Variants in ITGB2 observed in about 807,000 individuals in gnomAD.
ITGB2 encodes the protein integrin subunit beta 2.
A neutral mutation model predicts 86.8 loss-of-function variants in ITGB2; 56 were observed. The ratio of observed to expected loss-of-function variants is 0.65; its 90% CI spans 0.52 to 0.81. The LOEUF (loss-of-function observed/expected upper bound fraction) is 0.81, where lower values mean the gene tolerates loss of function less well. Among genes scored for constraint, ITGB2 ranks in the 30% least tolerant of loss-of-function variants. The probability of loss-of-function intolerance (pLI) is 0.00; values close to 1 mark genes in which losing one functional copy is unlikely to be tolerated. For missense variants in ITGB2, 948 were observed against 1,061.2 expected (o/e 0.89, Z 1.48); for synonymous variants, 457 against 450.4 (o/e 1.01, Z -0.19).
Position 44,886,010 on chromosome 21 carries a change from A to G in ITGB2, c.*358T>C, listed in dbSNP as rs1207418790. 7 of 351,286 alleles carry G rather than the reference A, an allele frequency of 2.0e-5. No homozygotes were observed. The highest frequency in any genetic ancestry group is 1.6e-4 in the South Asian group (6 of 38,182). The allele number at this position is 351,286 out of a possible 1,614,324, so 21.8% of individuals were successfully genotyped here. ...TTTTTTCTATACACGTGATTGATTA[A>G]CAATATAATTAATGGGATGTCATTT... On this transcript the variant is annotated 3_prime_UTR_variant, in exon 16 of 16. Transcript: ENST00000652462.
intron 4 of ITGB2, among the ~76,000 whole-genome samples, chr21:44,905,178 G>C (rs980954151): frequency 6.6e-5 from 10 of 152,154 alleles, no homozygotes; most frequent in African/African-American, 2.4e-4. Flanking sequence ...TCAGCGAAGG[G>C]CCAGCAGGCT....
intron 4 of ITGB2, 152 bp from the exon 5 acceptor site, chr21:44,903,687 T>G: frequency 1.2e-6 from 1 of 858,730 alleles, no homozygotes; most frequent in Non-Finnish European, 1.9e-6. Context: ...GCAGGAGAGC[T>G]GAGGACCAGA....
intron 1 of ITGB2, among the ~76,000 whole-genome samples, chr21:44,915,283 C>T (rs949082851): frequency 6.6e-6 from 1 of 152,172 alleles, no homozygotes; most frequent in Non-Finnish European, 1.5e-5. Context: ...CTCGGCCTCC[C>T]AAAGTGCTGG....
chr21:44,895,259 C>T (rs2083848629), intron 8 of ITGB2, among the ~76,000 whole-genome samples, 199 bp from the exon 9 acceptor site: 2 of 152,066 alleles, frequency 1.3e-5, no homozygotes, highest in Non-Finnish European at 2.9e-5. Context: ...CTGAGCTGCC[C>T]AGGGGCCACG....
chr21:44,928,585 G>A (rs1315630785), intron 1 of ITGB2: 1 of 144,970 alleles, frequency 6.9e-6, no homozygotes, highest in African/African-American at 2.5e-5. Flanking sequence ...AAGGCCAACT[G>A]ACCAGAGAGC....
At chr21:44,924,190 G>A (rs527885601), upstream of ITGB2, among the ~76,000 whole-genome samples, 62 of 152,188 alleles carry the variant, frequency 4.1e-4, no homozygotes, top group Admixed American at 9.8e-4. Flanking sequence ...AGCACTTTGG[G>A]AGGCTGATGT....
chr21:44,910,249 C>G, intron 3 of ITGB2, 35 bp downstream of exon 3: 2 of 1,608,170 alleles, frequency 1.2e-6, no homozygotes, highest in East Asian at 2.2e-5. Context: ...CACCCAGGAG[C>G]TGGGCAGGTG....
intron 10 of ITGB2, among the ~76,000 whole-genome samples, chr21:44,892,386 G>A (rs182759663): frequency 2.6e-5 from 4 of 152,318 alleles, no homozygotes; most frequent in Admixed American, 1.3e-4. Flanking sequence ...GTGGGAGGCC[G>A]AGGCGGGTAG....
At chr21:44,894,854 G>A (rs376542888) in intron 9 of ITGB2, 117 bp downstream of exon 9, 21 of 783,776 alleles carry the variant, frequency 2.7e-5, no homozygotes, top group South Asian at 9.8e-5. Context: ...GCTGGCCCAC[G>A]GGGCAGGGGC....
chr21:44,908,185 G>A (rs773845782), intron 3 of ITGB2: 13 of 715,936 alleles, frequency 1.8e-5, no homozygotes, highest in East Asian at 7.6e-5. Context: ...GCCGCTCCCT[G>A]TGGGACGCAA....
chr21:44,900,310 G>A lies in ITGB2; in HGVS notation c.897+10C>T. 6.2e-7 allele frequency: 1 copy of A among 1,614,160 alleles called. No homozygotes were observed. Among genetic ancestry groups the A allele is most frequent in the Non-Finnish European group, 8.5e-7 (1 of 1,179,992 alleles). ...CAGGCGGTGCCTGGGTGCCTGGGGT[G>A]GGGACTTACGAATTCGTTGCTCCTC... On this transcript the variant is annotated intron_variant, in intron 7 of 15. Transcript: ENST00000652462.
intron 5 of ITGB2, among the ~76,000 whole-genome samples, chr21:44,902,319 A>G (rs546500972): frequency 1.3e-5 from 2 of 152,356 alleles, no homozygotes; most frequent in South Asian, 2.1e-4. Flanking sequence ...ATGTGTGTGC[A>G]CATGCAAGTG....
At chr21:44,915,337 T>C (rs1425340603) in intron 1 of ITGB2, among the ~76,000 whole-genome samples, 3 of 152,148 alleles carry the variant, frequency 2.0e-5, no homozygotes, top group Non-Finnish European at 4.4e-5. Flanking sequence ...GGCTTCCTTT[T>C]TGCAACCCCG....
intron 1 of ITGB2, among the ~76,000 whole-genome samples, chr21:44,916,143 G>A (rs373497630): frequency 7.2e-5 from 11 of 152,024 alleles, no homozygotes; most frequent in East Asian, 1.9e-4. Flanking sequence ...GGCTGGTCTC[G>A]AACTCCTGAC....
chr21:44,915,275 C>T (rs1005934511), intron 1 of ITGB2, among the ~76,000 whole-genome samples: 3 of 152,198 alleles, frequency 2.0e-5, no homozygotes, highest in South Asian at 2.1e-4. Context: ...CCGCCCACCT[C>T]GGCCTCCCAA....
rs1310169212 is a variant in ITGB2, at chr21:44,888,859, G to C, written c.1914C>G (p.Pro638=). 1 of 1,608,812 alleles carries C rather than the reference G, an allele frequency of 6.2e-7. No individual in the cohort carries two copies. Among genetic ancestry groups the C allele is most frequent in the Admixed American group, 1.7e-5 (1 of 60,006 alleles). ...ACGCCGCGCTGCAGTTCTTCCCAAA[G>C]GGGCCCTTTTCGAACTTCAGGCACT... ...CAECLKFEKG[P]FGKNCSAACP... is the part of the protein sequence containing the mutation. Residue 638 remains proline, a synonymous_variant, in exon 14 of 16, where the codon CCC becomes CCG. Coordinates refer to ENST00000652462, the MANE Select transcript of ITGB2 (RefSeq NM_000211.5).
chr21:44,918,723 A>G (rs1016966951), intron 1 of ITGB2, among the ~76,000 whole-genome samples: 11 of 152,136 alleles, frequency 7.2e-5, no homozygotes, highest in Admixed American at 7.2e-4. Context: ...CTCACTGTGC[A>G]CTAGGCAGGT....
chr21:44,922,563 C>A (rs2084320210), upstream of ITGB2, among the ~76,000 whole-genome samples: 1 of 149,836 alleles, frequency 6.7e-6, no homozygotes, highest in African/African-American at 2.5e-5. Flanking sequence ...GTCCAGGCTA[C>A]TTGGGAGGCT....
intron 10 of ITGB2, 86 bp from the exon 11 acceptor site, chr21:44,892,082 A>AG (rs2083794008): frequency 1.4e-6 from 2 of 1,383,154 alleles, no homozygotes; most frequent in Non-Finnish European, 2.0e-6. Context: ...TGGCCTCTGC[A>AG]GGGGTCCTGG....
Sources: allele counts gnomAD v4.1 joint callset (sites outside exome capture counted in the v4.1 genomes callset), GRCh38; gene constraint gnomAD v4.1.1; transcripts MANE v1.5; gene names NCBI Gene and HGNC (gene_info 2026-07-23, HGNC 2026-07-21).